The following PIEZO2 variants were observed in gnomAD, a reference collection of about 807,000 sequenced individuals.
PIEZO2 encodes piezo-type mechanosensitive ion channel component 2.
PIEZO2 carries 172 observed loss-of-function variants against 337.3 expected under a neutral mutation model. The ratio of observed to expected loss-of-function variants is 0.51; its 90% confidence interval spans 0.45 to 0.58. The LOEUF (loss-of-function observed/expected upper bound fraction) is 0.58, where lower values mean the gene tolerates loss of function less well. Among genes scored for constraint, PIEZO2 ranks in the 20% least tolerant of loss-of-function variants. PIEZO2 has a pLI of 0.00. For missense variants in PIEZO2, 3,028 were observed against 3,391.3 expected (o/e 0.89, Z 2.66); for synonymous variants, 1,251 against 1,228.5 (o/e 1.02, Z -0.38).
chr18:10,980,357 TA>T lies in PIEZO2; in HGVS notation c.161-698del, dbSNP rs200930999. Among the ~76,000 whole-genome samples the T allele has an allele frequency of 2.3e-3, 344 of 149,428 alleles. 3 individuals carry two copies. The highest frequency in any genetic ancestry group is 8.0e-3 in the African/African-American group (326 of 40,804). ...AACCTAGTTATAATTTTTAAAAACA[TA>T]AAAAAAAAGGAATGGAAGGAAACAT... On this transcript the variant is annotated intron_variant, in intron 2 of 55. Transcript: ENST00000674853. The surrounding 1 kb of genome is among the most constrained non-coding windows in gnomAD (Gnocchi z 4.8).
rs547794148 is a variant in PIEZO2 at position 10,771,025 on chromosome 18, C to T, written c.2786-717G>A. Among the ~76,000 whole-genome samples, 4 of 152,212 alleles carry T rather than the reference C, an allele frequency of 2.6e-5. No individual in the cohort carries two copies. The South Asian group carries it at 8.3e-4, about 32-fold the overall frequency. The stretch of plus-strand genomic sequence containing the variant: ...GGAGTACAGGCATGAGCGCCCATGC[C>T]CCCAGCCCCCTTAATCTTATTTACT... On this transcript the variant is annotated intron_variant, in intron 20 of 55. Coordinates refer to ENST00000674853, the MANE Select transcript of PIEZO2 (RefSeq NM_001378183.1).
intron 4 of PIEZO2, among the ~76,000 whole-genome samples, chr18:10,905,943 G>A (rs1311228988): frequency 6.6e-6 from 1 of 152,146 alleles, no homozygotes; most frequent in Non-Finnish European, 1.5e-5. Context: ...ATGAGAAGAG[G>A]TCATGCTCCT....
chr18:10,700,855 A>C (rs2035301138), intron 43 of PIEZO2, among the ~76,000 whole-genome samples: 1 of 152,264 alleles, frequency 6.6e-6, no homozygotes, highest in Non-Finnish European at 1.5e-5. Context: ...TGATTTCCTT[A>C]GATACATAGC....
At chr18:10,995,280 A>G (rs2035280178) in intron 2 of PIEZO2, among the ~76,000 whole-genome samples, 1 of 152,096 alleles carries the variant, frequency 6.6e-6, no homozygotes, top group Non-Finnish European at 1.5e-5. Flanking sequence ...TCTTCTGAGA[A>G]CTATCTATTC....
intron 45 of PIEZO2, among the ~76,000 whole-genome samples, chr18:10,697,471 T>C (rs566400781): frequency 2.0e-5 from 3 of 152,332 alleles, no homozygotes; most frequent in African/African-American, 7.2e-5. Context: ...ACCATGATAA[T>C]GCCTAAGAAT....
At chr18:10,920,209 C>T (rs1305058026) in intron 3 of PIEZO2, among the ~76,000 whole-genome samples, 1 of 152,078 alleles carries the variant, frequency 6.6e-6, no homozygotes, top group Admixed American at 6.5e-5. Flanking sequence ...CCCCTGACTT[C>T]TATTATCTTT....
In PIEZO2 at chr18:11,148,816, G is replaced by A. The variant is rs1305350954; in HGVS notation, c.-228C>T. On this transcript the variant is annotated 5_prime_UTR_variant, in exon 1 of 56. Coordinates refer to ENST00000674853, the MANE Select transcript of PIEZO2 (RefSeq NM_001378183.1). This position sits in a 1 kb window ranked among gnomAD's most constrained non-coding sequence, Gnocchi z 5.2. The stretch of plus-strand genomic sequence containing the variant: ...TGGGTAGCCCCTCACCAGGCTCTTG[G>A]CGGCCACCTAGCCCGGCGCCCGGCC... The A allele has an allele frequency of 6.5e-6, 3 of 458,616 alleles. No homozygotes were observed. Among genetic ancestry groups the A allele is most frequent in the Non-Finnish European group, 3.8e-6 (1 of 263,572 alleles). 28.4% of individuals were successfully genotyped at this position (458,616 alleles called of 1,614,324 possible).
intron 3 of PIEZO2, among the ~76,000 whole-genome samples, chr18:10,925,413 A>C (rs2031665946): frequency 6.6e-6 from 1 of 152,154 alleles, no homozygotes; most frequent in Non-Finnish European, 1.5e-5. Flanking sequence ...ATGTTGATTG[A>C]TCCCTCAAAT....
At chr18:10,769,963 G>T in intron 21 of PIEZO2, 185 bp downstream of exon 21, 1 of 561,932 alleles carries the variant, frequency 1.8e-6, no homozygotes, top group South Asian at 3.6e-5. Context: ...TCAGCCACGA[G>T]CCTCTTTCCT....
chr18:10,998,355 C>CAT (rs1466844589), intron 2 of PIEZO2, among the ~76,000 whole-genome samples: 1 of 109,800 alleles, frequency 9.1e-6, no homozygotes, highest in Non-Finnish European at 2.0e-5. Flanking sequence ...CACACATACA[C>CAT]ATACACACAC....
At chr18:10,932,944 A>AT (rs917777790) in intron 3 of PIEZO2, among the ~76,000 whole-genome samples, 2 of 152,052 alleles carry the variant, frequency 1.3e-5, no homozygotes, top group Non-Finnish European at 2.9e-5. Flanking sequence ...AAAAAAAAAA[A>AT]ATATGAAAAG....
At chr18:10,768,490 G>A (rs1039199556) in intron 21 of PIEZO2, among the ~76,000 whole-genome samples, 1 of 152,214 alleles carries the variant, frequency 6.6e-6, no homozygotes. Flanking sequence ...CCATGCAGGT[G>A]GGGTGACATC....
intron 49 of PIEZO2, among the ~76,000 whole-genome samples, chr18:10,686,408 T>C (rs1023204354): frequency 6.6e-6 from 1 of 152,190 alleles, no homozygotes. Flanking sequence ...AAAGAACCAG[T>C]AGCTTAAGCT....
intron 1 of PIEZO2, among the ~76,000 whole-genome samples, chr18:11,067,212 T>C (rs1423491792): frequency 1.3e-5 from 2 of 152,202 alleles, no homozygotes; most frequent in Non-Finnish European, 2.9e-5. Context: ...TATTAGGTGA[T>C]GGTTACACTA....
chr18:10,808,049 G>A (rs2040055586), intron 7 of PIEZO2, among the ~76,000 whole-genome samples: 1 of 152,038 alleles, frequency 6.6e-6, no homozygotes, highest in African/African-American at 2.4e-5. Flanking sequence ...AAACTTTATA[G>A]GTTAAGTGAG....
intron 7 of PIEZO2, among the ~76,000 whole-genome samples, chr18:10,809,579 CT>C (rs34468777): frequency 0.78 from 116,875 of 148,946 alleles, 45,736 homozygotes; most frequent in East Asian, 0.93. Context: ...CTCTCTCTCT[CT>C]TTTTTTTTTT....
chr18:11,051,964 T>A (rs2037552045), intron 2 of PIEZO2, among the ~76,000 whole-genome samples: 1 of 152,214 alleles, frequency 6.6e-6, no homozygotes, highest in African/African-American at 2.4e-5. Flanking sequence ...CTGACCAAAA[T>A]GTACCAGGTC....
At chr18:10,688,003 T>C (rs2034626760) in intron 49 of PIEZO2, among the ~76,000 whole-genome samples, 1 of 152,234 alleles carries the variant, frequency 6.6e-6, no homozygotes, top group African/African-American at 2.4e-5. Flanking sequence ...TTTGATTTTA[T>C]TTTACTTTAA....
intron 14 of PIEZO2, among the ~76,000 whole-genome samples, chr18:10,790,832 G>GT (rs1248778564): frequency 2.0e-5 from 3 of 151,828 alleles, no homozygotes; most frequent in African/African-American, 7.3e-5. Context: ...AGCCTCCTGA[G>GT]TAGCTGGGAC....
Sources: allele counts gnomAD v4.1 joint callset (sites outside exome capture counted in the v4.1 genomes callset), GRCh38; gene constraint gnomAD v4.1.1; non-coding constraint Gnocchi (gnomAD v3.1); transcripts MANE v1.5; gene names NCBI Gene and HGNC (gene_info 2026-07-23, HGNC 2026-07-21).